The following DPH6 variants were observed in gnomAD, a reference collection of about 807,000 sequenced individuals.
DPH6 encodes the protein diphthine--ammonia ligase.
DPH6 carries 33 observed loss-of-function variants against 38.2 expected under a neutral mutation model. The observed-to-expected ratio is 0.86, with a 90% CI of 0.65 to 1.15. The LOEUF is 1.15. Ranked by LOEUF, DPH6 falls within the 50% of genes most tolerant of loss-of-function variation. The pLI is 0.00. For synonymous variants in DPH6, 108 were observed against 103.0 expected (o/e 1.05, Z -0.30); for missense variants, 325 against 320.0 (o/e 1.02, Z -0.12).
chr15:35,316,762 G>A (rs1288899009), intron 3 of DPH6, among the ~76,000 whole-genome samples: 1 of 152,102 alleles, frequency 6.6e-6, no homozygotes, highest in East Asian at 1.9e-4. Context: ...GTATAGCACA[G>A]TAAAACTGAT....
chr15:35,479,076 A>G (rs1257937073), intron 3 of DPH6, among the ~76,000 whole-genome samples: 1 of 152,076 alleles, frequency 6.6e-6, no homozygotes, highest in Non-Finnish European at 1.5e-5. Flanking sequence ...TCTGACAAAG[A>G]AAATTTCAAA....
intron 3 of DPH6, among the ~76,000 whole-genome samples, chr15:35,295,926 T>G (rs2052011617): frequency 6.6e-6 from 1 of 151,924 alleles, no homozygotes; most frequent in South Asian, 2.1e-4. Flanking sequence ...TTTATTTTAT[T>G]TTATTTTATT....
chr15:35,199,919 A>G, the DPH6 span, among the ~76,000 whole-genome samples: 1 of 152,132 alleles, frequency 6.6e-6, no homozygotes, highest in Non-Finnish European at 1.5e-5. Flanking sequence ...ATTACAGTGC[A>G]GATCCCAGGG....
At chr15:35,147,318 G>A in the DPH6 span, among the ~76,000 whole-genome samples, 1 of 152,142 alleles carries the variant, frequency 6.6e-6, no homozygotes, top group Non-Finnish European at 1.5e-5. Context: ...CAATCACAAT[G>A]CTATCATACT....
chr15:35,524,844 C>T (rs1380802208), intron 3 of DPH6, among the ~76,000 whole-genome samples: 2 of 152,086 alleles, frequency 1.3e-5, no homozygotes, highest in African/African-American at 4.8e-5. Context: ...GCATGATTTA[C>T]AGCGTTCATG....
intron 5 of DPH6, among the ~76,000 whole-genome samples, chr15:35,429,509 T>G (rs8034582): frequency 0.3 from 45,896 of 151,966 alleles, 7,573 homozygotes; most frequent in African/African-American, 0.44. Context: ...CAAATAGCTG[T>G]TTAAAAGAGT....
chr15:35,508,714 G>A (rs534423848), intron 3 of DPH6, among the ~76,000 whole-genome samples: 91 of 152,120 alleles, frequency 6.0e-4, no homozygotes, highest in Non-Finnish European at 9.9e-4. Flanking sequence ...TTCAAATCAA[G>A]ATAAAATCGC....
chr15:35,162,964 C>A, the DPH6 span, among the ~76,000 whole-genome samples: 1 of 151,850 alleles, frequency 6.6e-6, no homozygotes, highest in African/African-American at 2.4e-5. Context: ...CAGAAGATTT[C>A]AAGGTGGCAA....
chr15:35,368,832 G>T (rs1405368308), downstream of DPH6, among the ~76,000 whole-genome samples: 4 of 151,676 alleles, frequency 2.6e-5, no homozygotes. Context: ...GCCATGTGCA[G>T]CAGCCAGTCA....
rs2052872941 is a variant in DPH6, at chr15:35,381,969, T to C, written c.568-53A>G. 7.4e-6 allele frequency: 10 copies of C among 1,355,592 alleles called. No individual in the cohort carries two copies. The East Asian group carries it at 1.6e-4, about 22-fold the overall frequency. 84.0% of individuals were successfully genotyped at this position (1,355,592 alleles called of 1,614,324 possible). ...GAAAGAAGTTTAAAATTAGACAGCA[T>C]AAATGCTCTCTTATCTGGTACTAAA... On this transcript the variant is annotated intron_variant, in intron 6 of 8. Coordinates refer to ENST00000256538, the MANE Select transcript of DPH6 (RefSeq NM_080650.4).
intron 3 of DPH6, among the ~76,000 whole-genome samples, chr15:35,322,126 A>G (rs371110306): frequency 1.2e-4 from 19 of 152,280 alleles, no homozygotes; most frequent in African/African-American, 4.6e-4. Context: ...ACTGAAAAAT[A>G]TCTTAAAAAC....
intron 3 of DPH6, among the ~76,000 whole-genome samples, chr15:35,236,387 C>T (rs1235317962): frequency 6.6e-6 from 1 of 152,116 alleles, no homozygotes; most frequent in Non-Finnish European, 1.5e-5. Flanking sequence ...GCCTGTAATC[C>T]CAGCACTTTG....
rs530135533 is a variant in DPH6 at position 35,377,368 on chromosome 15, T to C, written c.663-3760A>G. 8.5e-5 allele frequency among the ~76,000 whole-genome samples: 13 copies of C among 152,226 alleles called. No individual in the cohort carries two copies. The East Asian group carries it at 2.1e-3, about 25-fold the overall frequency. ...CCATCCATCATCTATCCATCCCATA[T>C]GTGGCAACTTTGTAGCAGTAATACA... On this transcript the variant is annotated intron_variant, in intron 7 of 8. Coordinates refer to ENST00000256538, the MANE Select transcript of DPH6 (RefSeq NM_080650.4).
At chr15:35,441,875 G>A (rs550351869) in intron 5 of DPH6, among the ~76,000 whole-genome samples, 1 of 152,172 alleles carries the variant, frequency 6.6e-6, no homozygotes, top group South Asian at 2.1e-4. Context: ...CACAGTGGGA[G>A]AAGGACAGAA....
At chr15:35,541,024 G>C (rs1203217208) in intron 2 of DPH6, among the ~76,000 whole-genome samples, 1 of 152,056 alleles carries the variant, frequency 6.6e-6, no homozygotes, top group African/African-American at 2.4e-5. Context: ...ACAGAAGTTA[G>C]AGTGCAGTTC....
downstream of DPH6, among the ~76,000 whole-genome samples, chr15:35,215,996 T>C (rs2051409546): frequency 6.6e-6 from 1 of 152,352 alleles, no homozygotes; most frequent in Admixed American, 6.5e-5. Flanking sequence ...TGATCCAACA[T>C]TGGATATGAA....
intron 3 of DPH6, among the ~76,000 whole-genome samples, chr15:35,467,783 A>G (rs1373090207): frequency 1.4e-4 from 22 of 151,930 alleles, no homozygotes; most frequent in Admixed American, 1.4e-3. Flanking sequence ...GCTGTTTTAC[A>G]CTTAATCTTT....
chr15:35,482,808 C>G (rs1387814712), intron 3 of DPH6, among the ~76,000 whole-genome samples: 3 of 151,652 alleles, frequency 2.0e-5, no homozygotes, highest in Non-Finnish European at 4.4e-5. Context: ...AAGCACGAAC[C>G]ATAAAAGAAA....
chr15:35,178,499 C>T, the DPH6 span, among the ~76,000 whole-genome samples: 3 of 152,158 alleles, frequency 2.0e-5, no homozygotes, highest in East Asian at 1.9e-4. Context: ...GGGAAAGACC[C>T]GCCCCCATGA....
Sources: allele counts gnomAD v4.1 joint callset (sites outside exome capture counted in the v4.1 genomes callset), GRCh38; gene constraint gnomAD v4.1.1; transcripts MANE v1.5; gene names NCBI Gene and HGNC (gene_info 2026-07-23, HGNC 2026-07-21).